KCNIP4: variants seen among roughly 807,000 people sequenced by gnomAD.
The protein encoded by KCNIP4 is Kv channel-interacting protein 4.
In KCNIP4, 12 loss-of-function variants were observed where a neutral mutation model predicts 34.0. The ratio of observed to expected loss-of-function variants is 0.35; its 90% CI spans 0.23 to 0.57. KCNIP4 has a LOEUF of 0.57. Ranked by LOEUF, KCNIP4 falls within the 20% of genes least tolerant of loss-of-function variation. KCNIP4 has a pLI of 0.83. For synonymous variants in KCNIP4, 124 were observed against 102.2 expected, an observed-to-expected ratio of 1.21 and a Z score of -1.29; for missense variants, 238 against 311.7, an observed-to-expected ratio of 0.76 and a Z score of 1.78.
intron 1 of KCNIP4, among the ~76,000 whole-genome samples, chr4:21,614,556 A>G (rs1744438309): frequency 6.7e-6 from 1 of 148,324 alleles, no homozygotes; most frequent in African/African-American, 2.4e-5. Context: ...TGCATATTAA[A>G]TCAAATATAC....
chr4:21,174,306 A>G (rs1292069386), intron 1 of KCNIP4, among the ~76,000 whole-genome samples: 1 of 152,212 alleles, frequency 6.6e-6, no homozygotes, highest in Admixed American at 6.5e-5. Flanking sequence ...AGATAAAAAC[A>G]AGGGTTTGGT....
chr4:20,830,554 G>A (rs1718295670), intron 3 of KCNIP4, among the ~76,000 whole-genome samples: 1 of 152,064 alleles, frequency 6.6e-6, no homozygotes, highest in African/African-American at 2.4e-5. Context: ...TTATAATTCT[G>A]TCTCAGCTAC....
chr4:21,555,874 A>T (rs1386004011), intron 1 of KCNIP4, among the ~76,000 whole-genome samples: 2 of 152,064 alleles, frequency 1.3e-5, no homozygotes, highest in Non-Finnish European at 2.9e-5. Flanking sequence ...TCAACTCCAG[A>T]TTCAGGTCCA....
In KCNIP4 at chr4:21,822,469, A is replaced by T. The variant is rs1722414172; in HGVS notation, c.61+126102T>A. Among the ~76,000 whole-genome samples, 3 of 152,308 alleles carry T rather than the reference A, an allele frequency of 2.0e-5. No homozygotes were observed. In the South Asian group the frequency reaches 6.2e-4, roughly 32 times the overall value. ...TCATCCAGGACTCCATGATAATATT[A>T]TCCAGAAACAAATGTAACTCCCTAT... On this transcript the variant is annotated intron_variant, in intron 1 of 8. Transcript: ENST00000382152.
In KCNIP4 at chr4:21,856,465, G is replaced by A. The variant is rs373223619; in HGVS notation, c.61+92106C>T. Among the ~76,000 whole-genome samples the A allele has an allele frequency of 4.6e-5, 7 of 152,278 alleles. No homozygotes were observed. The South Asian group carries it at 6.2e-4, about 14-fold the overall frequency. On this transcript the variant is annotated intron_variant, in intron 1 of 8. Coordinates refer to ENST00000382152, the MANE Select transcript of KCNIP4 (RefSeq NM_025221.6). Reference sequence around the variant, plus strand: ...CGCATGCGGCGGGAGAGGACTGGCCGGGGCTGCCACCATGGAGTCAGCAAA... The same window carrying A: ...CGCATGCGGCGGGAGAGGACTGGCCAGGGCTGCCACCATGGAGTCAGCAAA...
intron 1 of KCNIP4, among the ~76,000 whole-genome samples, chr4:20,962,973 A>T (rs940583547): frequency 1.3e-5 from 2 of 152,182 alleles, no homozygotes; most frequent in African/African-American, 4.8e-5. Context: ...TTTGTCTGTA[A>T]AATGGGGATA....
chr4:20,820,658 A>G (rs1716991141), intron 3 of KCNIP4, among the ~76,000 whole-genome samples: 1 of 152,184 alleles, frequency 6.6e-6, no homozygotes, highest in African/African-American at 2.4e-5. Context: ...AATGACCCTG[A>G]AGGCATTTCA....
At chr4:21,338,765 T>A (rs1430635771) in intron 1 of KCNIP4, among the ~76,000 whole-genome samples, 2 of 152,078 alleles carry the variant, frequency 1.3e-5, no homozygotes, top group Non-Finnish European at 2.9e-5. Flanking sequence ...CACACGTTAA[T>A]CCTTCGTGGC....
intron 1 of KCNIP4, among the ~76,000 whole-genome samples, chr4:20,920,945 G>A (rs1384790049): frequency 2.6e-5 from 4 of 151,956 alleles, no homozygotes; most frequent in East Asian, 1.9e-4. Flanking sequence ...GCCAAGTCAC[G>A]CCACTGCACT....
chr4:21,515,764 T>A (rs1317980202), intron 1 of KCNIP4, among the ~76,000 whole-genome samples: 5 of 152,166 alleles, frequency 3.3e-5, no homozygotes, highest in Non-Finnish European at 7.4e-5. Context: ...AAAGGAGGAG[T>A]TTGGTCCTTC....
At chr4:21,531,609 T>G (rs1736690658) in intron 1 of KCNIP4, among the ~76,000 whole-genome samples, 2 of 151,950 alleles carry the variant, frequency 1.3e-5, no homozygotes, top group South Asian at 4.1e-4. Context: ...ACTCCTGACC[T>G]CAAATGACCC....
chr4:20,898,667 G>A (rs1204411441), intron 1 of KCNIP4, among the ~76,000 whole-genome samples: 1 of 152,058 alleles, frequency 6.6e-6, no homozygotes, highest in African/African-American at 2.4e-5. Context: ...TAAGTATCTG[G>A]GACATAGTAG....
intron 1 of KCNIP4, among the ~76,000 whole-genome samples, chr4:21,012,434 A>G (rs912206345): frequency 6.6e-6 from 1 of 152,160 alleles, no homozygotes; most frequent in African/African-American, 2.4e-5. Context: ...AAATAAAAAA[A>G]TAAACTGGAT....
intron 1 of KCNIP4, among the ~76,000 whole-genome samples, chr4:21,324,685 T>C (rs1328845686): frequency 6.6e-6 from 1 of 150,964 alleles, no homozygotes; most frequent in Non-Finnish European, 1.5e-5. Context: ...GGTAATGTGA[T>C]TCCTCCAGTT....
intron 3 of KCNIP4, among the ~76,000 whole-genome samples, chr4:20,796,645 C>G (rs1299942517): frequency 6.7e-6 from 1 of 148,278 alleles, no homozygotes; most frequent in East Asian, 2.0e-4. Context: ...CTAAAAGAAT[C>G]ACTTTTGTTT....
intron 1 of KCNIP4, among the ~76,000 whole-genome samples, chr4:21,311,787 G>T (rs1713216127): frequency 6.6e-6 from 1 of 152,172 alleles, no homozygotes; most frequent in Non-Finnish European, 1.5e-5. Context: ...CATTTCACAA[G>T]ATGAACAGAT....
intron 1 of KCNIP4, among the ~76,000 whole-genome samples, chr4:21,649,084 T>C (rs569959343): frequency 5.9e-5 from 9 of 152,288 alleles, no homozygotes; most frequent in African/African-American, 1.7e-4. Context: ...ATAGCTTACA[T>C]TGAATGCTGA....
At chr4:21,702,296 T>C (rs531441396) in intron 1 of KCNIP4, among the ~76,000 whole-genome samples, 2 of 152,240 alleles carry the variant, frequency 1.3e-5, no homozygotes, top group Non-Finnish European at 2.9e-5. Context: ...CCTCCTCTTA[T>C]AAGGACACTA....
At chr4:21,840,978 AC>A (rs1723642167) in intron 1 of KCNIP4, among the ~76,000 whole-genome samples, 1 of 152,186 alleles carries the variant, frequency 6.6e-6, no homozygotes, top group South Asian at 2.1e-4. Context: ...TATTTTCCTA[AC>A]AGAGCTCCAT....
Sources: allele counts gnomAD v4.1 joint callset (sites outside exome capture counted in the v4.1 genomes callset), GRCh38; gene constraint gnomAD v4.1.1; transcripts MANE v1.5; gene names NCBI Gene and HGNC (gene_info 2026-07-23, HGNC 2026-07-21).